Variants in KCNMA1 observed in about 807,000 individuals in gnomAD.
KCNMA1 encodes the protein Calcium-activated potassium channel subunit alpha-1.
KCNMA1 carries 29 observed loss-of-function variants against 140.0 expected under a neutral mutation model. The observed-to-expected ratio is 0.21, with a 90% CI of 0.15 to 0.28. The LOEUF is 0.28. KCNMA1 is among the 10% of genes least tolerant of loss of function. The pLI is 1.00. For synonymous variants in KCNMA1, 612 were observed against 611.9 expected, an observed-to-expected ratio of 1.00 and a Z score of 0.00; for missense variants, 880 against 1,602.2, an observed-to-expected ratio of 0.55 and a Z score of 7.70.
At chr10:77,161,963 G>A (rs1011471189) in intron 5 of KCNMA1, among the ~76,000 whole-genome samples, 1 of 152,158 alleles carries the variant, frequency 6.6e-6, no homozygotes, top group Non-Finnish European at 1.5e-5. Flanking sequence ...TGATCCATAT[G>A]TATCTATTGA....
chr10:77,367,584 T>C (rs1825810944), intron 2 of KCNMA1, among the ~76,000 whole-genome samples: 1 of 152,222 alleles, frequency 6.6e-6, no homozygotes, highest in South Asian at 2.1e-4. Context: ...TAAATTTAAT[T>C]TTTTATTTTT....
chr10:77,018,142 T>C (rs1392918915), intron 17 of KCNMA1, among the ~76,000 whole-genome samples: 1 of 152,184 alleles, frequency 6.6e-6, no homozygotes, highest in Non-Finnish European at 1.5e-5. Context: ...CAGGGTTATT[T>C]TGAAGAGCAG....
intron 1 of KCNMA1, 22 bp downstream of exon 1, chr10:77,637,243 G>C (rs1043939160): frequency 1.3e-6 from 2 of 1,582,954 alleles, no homozygotes; most frequent in South Asian, 2.3e-5. Flanking sequence ...CGCAGAGGGC[G>C]GGCGCCCGGG....
chr10:76,896,669 T>C (rs1200003544), intron 25 of KCNMA1, among the ~76,000 whole-genome samples: 1 of 152,176 alleles, frequency 6.6e-6, no homozygotes, highest in Non-Finnish European at 1.5e-5. Context: ...CAAGAGTCTA[T>C]TTATATAAAA....
At chr10:76,948,340 GA>G (rs1178913155) in intron 22 of KCNMA1, among the ~76,000 whole-genome samples, 1 of 152,126 alleles carries the variant, frequency 6.6e-6, no homozygotes, top group East Asian at 1.9e-4. Context: ...GAACTTACAA[GA>G]AAAATATTTG....
intron 19 of KCNMA1, among the ~76,000 whole-genome samples, chr10:76,981,599 A>G (rs1489055137): frequency 6.6e-6 from 1 of 152,070 alleles, no homozygotes; most frequent in Non-Finnish European, 1.5e-5. Context: ...CGGGGTAGAG[A>G]GGCAGTGACT....
At chr10:77,574,774 C>G (rs1198872759) in intron 1 of KCNMA1, among the ~76,000 whole-genome samples, 2 of 152,256 alleles carry the variant, frequency 1.3e-5, no homozygotes, top group Non-Finnish European at 2.9e-5. Flanking sequence ...TGAGGTCATA[C>G]TTTGAATGGT....
chr10:77,028,119 C>T (rs1340711115), intron 15 of KCNMA1, among the ~76,000 whole-genome samples: 1 of 152,148 alleles, frequency 6.6e-6, no homozygotes, highest in Non-Finnish European at 1.5e-5. Flanking sequence ...GTGCAAATTG[C>T]ACTCAGGTCT....
chr10:77,222,234 T>A (rs1404066235), intron 3 of KCNMA1, among the ~76,000 whole-genome samples: 1 of 152,222 alleles, frequency 6.6e-6, no homozygotes, highest in African/African-American at 2.4e-5. Flanking sequence ...CAGATTGGGA[T>A]CACCCCTGGG....
intron 2 of KCNMA1, among the ~76,000 whole-genome samples, chr10:77,380,218 A>G (rs972903639): frequency 6.6e-6 from 1 of 152,144 alleles, no homozygotes; most frequent in African/African-American, 2.4e-5. Flanking sequence ...CCCTCTTCAC[A>G]TGGTGGGTAT....
rs776370646 is a variant in KCNMA1 at position 77,158,676 on chromosome 10, C to G, written c.808+24745G>C. Among the ~76,000 whole-genome samples the G allele has an allele frequency of 2.0e-5, 3 of 152,096 alleles. No individual in the cohort carries two copies. The East Asian group carries it at 5.8e-4, about 29-fold the overall frequency. On this transcript the variant is annotated intron_variant, in intron 5 of 27. Coordinates refer to ENST00000286628, the MANE Select transcript of KCNMA1 (RefSeq NM_001161352.2). Reference sequence around the variant, plus strand: ...TTGCTAAGAAGTTGTCTTGAGACCCCTTTGTTTCATAGGGAGGAAGGTTTC... The same window carrying G: ...TTGCTAAGAAGTTGTCTTGAGACCCGTTTGTTTCATAGGGAGGAAGGTTTC...
chr10:77,453,606 A>C (rs1312728389), intron 1 of KCNMA1, among the ~76,000 whole-genome samples: 1 of 152,140 alleles, frequency 6.6e-6, no homozygotes, highest in African/African-American at 2.4e-5. Context: ...CACAGCAGAA[A>C]GAAGGAGGAC....
intron 1 of KCNMA1, among the ~76,000 whole-genome samples, chr10:77,592,996 A>G (rs1206307665): frequency 6.6e-6 from 1 of 152,138 alleles, no homozygotes; most frequent in East Asian, 1.9e-4. Context: ...CTTGCCAGCA[A>G]ACCACTTTAG....
intron 5 of KCNMA1, among the ~76,000 whole-genome samples, chr10:77,130,895 T>C (rs1218001746): frequency 6.6e-6 from 1 of 152,128 alleles, no homozygotes; most frequent in Non-Finnish European, 1.5e-5. Flanking sequence ...CATATGTCTA[T>C]CTCCACAATG....
At chr10:77,485,152 T>G (rs966469905) in intron 1 of KCNMA1, among the ~76,000 whole-genome samples, 1 of 152,220 alleles carries the variant, frequency 6.6e-6, no homozygotes, top group Non-Finnish European at 1.5e-5. Flanking sequence ...AGGGAGCACT[T>G]CTGAATGAGC....
chr10:77,512,945 C>G (rs925480434), intron 1 of KCNMA1, among the ~76,000 whole-genome samples: 1 of 152,186 alleles, frequency 6.6e-6, no homozygotes, highest in African/African-American at 2.4e-5. Flanking sequence ...CCACTCCTGC[C>G]CTTACTCCCT....
intron 23 of KCNMA1, among the ~76,000 whole-genome samples, chr10:76,937,581 C>T (rs539047424): frequency 9.8e-5 from 15 of 152,346 alleles, no homozygotes; most frequent in African/African-American, 1.7e-4. Flanking sequence ...AGGCCCTTTT[C>T]GTTCTGCTTT....
At chr10:77,097,184 T>G (rs2096955388) in intron 9 of KCNMA1, among the ~76,000 whole-genome samples, 1 of 152,214 alleles carries the variant, frequency 6.6e-6, no homozygotes, top group African/African-American at 2.4e-5. Flanking sequence ...GTTTCCCTGA[T>G]TTGGGGCATG....
intron 21 of KCNMA1, among the ~76,000 whole-genome samples, chr10:76,953,106 A>G (rs2066903253): frequency 6.6e-6 from 1 of 152,182 alleles, no homozygotes; most frequent in Non-Finnish European, 1.5e-5. Flanking sequence ...AGATGTTCAC[A>G]AGCCTTCCAC....
Sources: allele counts gnomAD v4.1 joint callset (sites outside exome capture counted in the v4.1 genomes callset), GRCh38; gene constraint gnomAD v4.1.1; transcripts MANE v1.5; gene names NCBI Gene and HGNC (gene_info 2026-07-23, HGNC 2026-07-21).